The following NT5C3A variants were observed in gnomAD, a reference collection of about 807,000 sequenced individuals.
The protein encoded by NT5C3A is cytosolic 5'-nucleotidase 3A.
In NT5C3A, 23 loss-of-function variants were observed where a neutral mutation model predicts 40.0. The observed-to-expected ratio is 0.58, with a 90% CI of 0.41 to 0.81. The LOEUF is 0.81. Among genes scored for constraint, NT5C3A ranks in the 40% least tolerant of loss-of-function variants. The pLI is 0.00. For synonymous variants in NT5C3A, 130 were observed against 141.4 expected, an observed-to-expected ratio of 0.92 and a Z score of 0.57; for missense variants, 328 against 403.0, an observed-to-expected ratio of 0.81 and a Z score of 1.59.
intron 1 of NT5C3A, among the ~76,000 whole-genome samples, chr7:33,050,048 C>T (rs906689479): frequency 1.3e-5 from 2 of 149,536 alleles, no homozygotes; most frequent in African/African-American, 4.9e-5. Flanking sequence ...AACAGGGAAA[C>T]TTTATCCAAA....
At chr7:33,024,154 G>A (rs1363000928) in intron 2 of NT5C3A, 46 bp from the exon 3 acceptor site, 3 of 1,114,132 alleles carry the variant, frequency 2.7e-6, no homozygotes, top group African/African-American at 3.0e-5. Context: ...TAGCCCACAT[G>A]GCCAGAATTT....
At chr7:33,035,189 G>GTTTTTTTT (rs35769309) in intron 1 of NT5C3A, among the ~76,000 whole-genome samples, 2 of 106,204 alleles carry the variant, frequency 1.9e-5, no homozygotes, top group Admixed American at 1.2e-4. Context: ...TAAGGAATGA[G>GTTTTTTTT]TTTTTTTTTT....
intron 1 of NT5C3A, chr7:33,029,663 G>A (rs545833886): frequency 1.2e-5 from 16 of 1,289,780 alleles, no homozygotes; most frequent in South Asian, 7.4e-5. Flanking sequence ...TTTTGATAAC[G>A]GATAGGAGAA....
At chr7:33,058,304 A>G (rs1359252738) in intron 1 of NT5C3A, among the ~76,000 whole-genome samples, 1 of 151,958 alleles carries the variant, frequency 6.6e-6, no homozygotes, top group East Asian at 1.9e-4. Context: ...AGAGTAAGTA[A>G]CTATAATTCA....
At chr7:33,025,130 C>T (rs913321755) in intron 2 of NT5C3A, among the ~76,000 whole-genome samples, 1 of 152,110 alleles carries the variant, frequency 6.6e-6, no homozygotes, top group South Asian at 2.1e-4. Context: ...CAGAATAAGA[C>T]TCCATCTCGA....
At chr7:33,017,334 C>A in intron 7 of NT5C3A, 105 bp downstream of exon 7, 2 of 884,678 alleles carry the variant, frequency 2.3e-6, no homozygotes, top group South Asian at 1.7e-5. Context: ...ATCGGCTTGG[C>A]CTAATTTCTG....
At chr7:33,049,969 C>CAAAAAA (rs61035673) in intron 1 of NT5C3A, among the ~76,000 whole-genome samples, 4 of 58,452 alleles carry the variant, frequency 6.8e-5, no homozygotes, top group East Asian at 4.7e-4. Context: ...GACTCCATCT[C>CAAAAAA]AAAAAAAAAA....
chr7:33,047,793 T>C (rs958525361), intron 1 of NT5C3A, among the ~76,000 whole-genome samples: 1 of 152,210 alleles, frequency 6.6e-6, no homozygotes, highest in Non-Finnish European at 1.5e-5. Flanking sequence ...TTGTATGATA[T>C]AAAAAGAATC....
intron 1 of NT5C3A, among the ~76,000 whole-genome samples, chr7:33,039,564 T>TTTTTTTG (rs1262491364): frequency 1.4e-5 from 2 of 144,058 alleles, no homozygotes; most frequent in Non-Finnish European, 3.0e-5. Flanking sequence ...GGTTTTTTGT[T>TTTTTTTG]TTTTTTTTTT....
chr7:33,035,815 G>T, intron 1 of NT5C3A: 1 of 799,412 alleles, frequency 1.3e-6, no homozygotes. Context: ...ATTTTGTGAT[G>T]CACTGTGAAG....
intron 1 of NT5C3A, among the ~76,000 whole-genome samples, chr7:33,060,736 C>G (rs1428814670): frequency 6.6e-6 from 1 of 152,102 alleles, no homozygotes; most frequent in Admixed American, 6.6e-5. Context: ...GGGAGGAGGG[C>G]AGAGGATGGG....
intron 1 of NT5C3A, among the ~76,000 whole-genome samples, chr7:33,042,335 A>G (rs1055567676): frequency 6.6e-6 from 1 of 152,190 alleles, no homozygotes; most frequent in Non-Finnish European, 1.5e-5. Flanking sequence ...TCTCAAAAAA[A>G]ACAAAAAACA....
intron 1 of NT5C3A, chr7:33,038,778 G>A: frequency 2.2e-6 from 1 of 446,808 alleles, no homozygotes; most frequent in South Asian, 1.6e-5. Context: ...AAACCAATAG[G>A]CTTGTAAACC....
At chr7:33,056,724 T>C (rs1787587435) in intron 1 of NT5C3A, among the ~76,000 whole-genome samples, 6 of 152,130 alleles carry the variant, frequency 3.9e-5, no homozygotes, top group Admixed American at 3.9e-4. Flanking sequence ...TGTTTAAAAC[T>C]TGGGTTGCTT....
chr7:33,032,745 C>A (rs1786351035), intron 1 of NT5C3A, among the ~76,000 whole-genome samples: 1 of 151,570 alleles, frequency 6.6e-6, no homozygotes, highest in Non-Finnish European at 1.5e-5. Context: ...GCATCAGCCA[C>A]TGCACCTGAC....
intron 1 of NT5C3A, chr7:33,045,857 C>T (rs999464928): frequency 1.1e-4 from 16 of 152,084 alleles, no homozygotes; most frequent in African/African-American, 3.6e-4. Context: ...ACAGGCATGA[C>T]CCCACCACTG....
intron 1 of NT5C3A, among the ~76,000 whole-genome samples, chr7:33,029,005 G>A (rs1786100467): frequency 1.3e-5 from 2 of 151,142 alleles, no homozygotes; most frequent in South Asian, 4.2e-4. Context: ...AAAAAAAAAA[G>A]AAAGTGTAGA....
intron 1 of NT5C3A, among the ~76,000 whole-genome samples, chr7:33,061,222 A>C (rs983086803): frequency 6.6e-6 from 1 of 152,262 alleles, no homozygotes; most frequent in African/African-American, 2.4e-5. Context: ...TCTAAGCAGG[A>C]AAGCAACAAA....
intron 1 of NT5C3A, among the ~76,000 whole-genome samples, chr7:33,057,808 T>C (rs1411853284): frequency 6.6e-6 from 1 of 152,214 alleles, no homozygotes; most frequent in Admixed American, 6.5e-5. Flanking sequence ...GAAATGACCA[T>C]TTTTAACTGG....
Sources: allele counts gnomAD v4.1 joint callset (sites outside exome capture counted in the v4.1 genomes callset), GRCh38; gene constraint gnomAD v4.1.1; transcripts MANE v1.5; gene names NCBI Gene and HGNC (gene_info 2026-07-23, HGNC 2026-07-21).